The following SLC24A3 variants were observed in gnomAD, a reference collection of about 807,000 sequenced individuals.
SLC24A3 encodes sodium/potassium/calcium exchanger 3.
A neutral mutation model predicts 75.8 loss-of-function variants in SLC24A3; 28 were observed. The ratio of observed to expected loss-of-function variants is 0.37; its 90% CI spans 0.27 to 0.51. The LOEUF is 0.51. SLC24A3 is among the 20% of genes least tolerant of loss of function. The pLI, the probability that SLC24A3 is intolerant of heterozygous loss-of-function variation, is 0.94. For synonymous variants in SLC24A3, 372 were observed against 334.1 expected (o/e 1.11, Z -1.24); for missense variants, 663 against 847.8 (o/e 0.78, Z 2.71).
chr20:19,541,558 G>A (rs755224723), intron 3 of SLC24A3, among the ~76,000 whole-genome samples: 9 of 152,120 alleles, frequency 5.9e-5, no homozygotes, highest in African/African-American at 9.7e-5. Context: ...CGCGCCCTCC[G>A]CCCCCATCCA....
intron 3 of SLC24A3, among the ~76,000 whole-genome samples, chr20:19,565,127 C>T (rs1251911963): frequency 6.6e-6 from 1 of 152,206 alleles, no homozygotes; most frequent in African/African-American, 2.4e-5. Context: ...TTCTCTAAGA[C>T]CTAGGTTAGG....
chr20:19,662,780 T>C (rs981404646), intron 7 of SLC24A3, among the ~76,000 whole-genome samples: 1 of 152,212 alleles, frequency 6.6e-6, no homozygotes, highest in African/African-American at 2.4e-5. Flanking sequence ...TAACATGAAA[T>C]CTTTAAGGAA....
chr20:19,564,986 A>G (rs542393825), intron 3 of SLC24A3, among the ~76,000 whole-genome samples: 1 of 152,296 alleles, frequency 6.6e-6, no homozygotes, highest in African/African-American at 2.4e-5. Context: ...TTTTGTGTTC[A>G]GTAGAGATGG....
intron 3 of SLC24A3, among the ~76,000 whole-genome samples, chr20:19,544,405 G>A (rs1426279861): frequency 6.6e-6 from 1 of 152,120 alleles, no homozygotes; most frequent in Non-Finnish European, 1.5e-5. Flanking sequence ...CAGCTATCCA[G>A]ATGTTACACA....
chr20:19,219,917 C>G (rs1304008849), intron 1 of SLC24A3, among the ~76,000 whole-genome samples: 3 of 152,202 alleles, frequency 2.0e-5, no homozygotes, highest in Non-Finnish European at 2.9e-5. Flanking sequence ...GGGGGACCAT[C>G]ATCAGGGGAC....
chr20:19,288,575 C>T (rs1983866725), intron 2 of SLC24A3, among the ~76,000 whole-genome samples: 2 of 152,204 alleles, frequency 1.3e-5, no homozygotes, highest in South Asian at 2.1e-4. Flanking sequence ...AGCATTTTCA[C>T]ATTCATTAGC....
intron 3 of SLC24A3, among the ~76,000 whole-genome samples, chr20:19,544,563 A>G (rs1250091495): frequency 6.6e-6 from 1 of 152,122 alleles, no homozygotes; most frequent in Non-Finnish European, 1.5e-5. Context: ...AGGGTTAAAG[A>G]TTGTAGGAGG....
chr20:19,645,796 G>A (rs1009203582), intron 6 of SLC24A3, among the ~76,000 whole-genome samples: 3 of 152,312 alleles, frequency 2.0e-5, no homozygotes, highest in East Asian at 1.9e-4. Context: ...GCTCACCCCC[G>A]TAATCCCAGC....
At chr20:19,562,905 T>C (rs1019712114) in intron 3 of SLC24A3, among the ~76,000 whole-genome samples, 2 of 152,156 alleles carry the variant, frequency 1.3e-5, no homozygotes, top group African/African-American at 4.8e-5. Context: ...GGATACAGTA[T>C]AGAGAGGCAG....
chr20:19,644,366 C>T (rs866223674), intron 6 of SLC24A3, among the ~76,000 whole-genome samples: 1 of 152,170 alleles, frequency 6.6e-6, no homozygotes, highest in Admixed American at 6.5e-5. Context: ...ACCTGGGCAC[C>T]TCGGCAGCAT....
At chr20:19,602,523 T>G (rs998764084) in intron 6 of SLC24A3, among the ~76,000 whole-genome samples, 1 of 152,184 alleles carries the variant, frequency 6.6e-6, no homozygotes, top group Non-Finnish European at 1.5e-5. Flanking sequence ...ACAGCTGGTT[T>G]TCAGTTTCAC....
intron 1 of SLC24A3, among the ~76,000 whole-genome samples, chr20:19,262,204 C>T (rs1339938671): frequency 2.0e-5 from 3 of 151,618 alleles, no homozygotes; most frequent in African/African-American, 7.3e-5. Flanking sequence ...GAGATCGAGA[C>T]CATCCTGGCT....
At chr20:19,442,192 T>C (rs545540896) in intron 2 of SLC24A3, among the ~76,000 whole-genome samples, 2 of 152,336 alleles carry the variant, frequency 1.3e-5, no homozygotes, top group Admixed American at 6.5e-5. Context: ...TGTGTGGATA[T>C]AAGTTTTCAG....
intron 2 of SLC24A3, among the ~76,000 whole-genome samples, chr20:19,393,420 G>C (rs889530385): frequency 1.3e-5 from 2 of 152,104 alleles, no homozygotes; most frequent in African/African-American, 4.8e-5. Context: ...TATTGGAAAG[G>C]AAGTAGTAAA....
At chr20:19,596,241 G>T (rs1197453870) in intron 6 of SLC24A3, among the ~76,000 whole-genome samples, 1 of 152,178 alleles carries the variant, frequency 6.6e-6, no homozygotes, top group Non-Finnish European at 1.5e-5. Context: ...GGTAAGACTT[G>T]AGTGGCGTTG....
At chr20:19,520,025 C>T (rs575976826) in intron 3 of SLC24A3, among the ~76,000 whole-genome samples, 7 of 152,258 alleles carry the variant, frequency 4.6e-5, no homozygotes, top group African/African-American at 1.2e-4. Context: ...CCTTGCTTTC[C>T]GATTTTTAAT....
At chr20:19,292,181 C>T (rs1003036533) in intron 2 of SLC24A3, among the ~76,000 whole-genome samples, 1 of 152,158 alleles carries the variant, frequency 6.6e-6, no homozygotes, top group African/African-American at 2.4e-5. Flanking sequence ...TGGAACAAAG[C>T]GTGTCAAGTC....
At chr20:19,624,943 C>A (rs1416434731) in intron 6 of SLC24A3, among the ~76,000 whole-genome samples, 2 of 152,118 alleles carry the variant, frequency 1.3e-5, no homozygotes, top group African/African-American at 4.8e-5. Flanking sequence ...GCAATTTGAG[C>A]TCAACCCAAT....
intron 2 of SLC24A3, among the ~76,000 whole-genome samples, chr20:19,313,401 G>C (rs1436059923): frequency 1.3e-5 from 2 of 152,098 alleles, no homozygotes; most frequent in Non-Finnish European, 2.9e-5. Context: ...TTGTTTCGGA[G>C]CTGCTCCTCC....
Sources: gnomAD v4.1 joint callset for allele counts (sites outside exome capture counted in the v4.1 genomes callset) on GRCh38, gnomAD v4.1.1 for gene constraint, MANE v1.5 for transcripts, NCBI Gene and HGNC (gene_info 2026-07-23, HGNC 2026-07-21) for gene names.